The following DPP10 variants were observed in gnomAD, a reference collection of about 807,000 sequenced individuals.
DPP10 encodes the protein dipeptidyl peptidase like 10.
A neutral mutation model predicts 120.9 loss-of-function variants in DPP10; 33 were observed. The ratio of observed to expected loss-of-function variants is 0.27; its 90% CI spans 0.21 to 0.37. DPP10 has a LOEUF of 0.37. Ranked by LOEUF, DPP10 falls within the 10% of genes least tolerant of loss-of-function variation. DPP10 has a pLI of 1.00. For synonymous variants in DPP10, 337 were observed against 326.1 expected (o/e 1.03, Z -0.36); for missense variants, 816 against 942.8 (o/e 0.87, Z 1.76).
chr2:114,763,264 T>C (rs1680432847), intron 1 of DPP10, among the ~76,000 whole-genome samples: 1 of 152,058 alleles, frequency 6.6e-6, no homozygotes, highest in Non-Finnish European at 1.5e-5. Flanking sequence ...GAAAGGCCTT[T>C]TGTGTCACGC....
At chr2:114,457,531 G>A (rs1364000466) in intron 1 of DPP10, among the ~76,000 whole-genome samples, 1 of 152,056 alleles carries the variant, frequency 6.6e-6, no homozygotes, top group Admixed American at 6.6e-5. Context: ...GTCTATTTTT[G>A]GGCCTTTCTG....
chr2:115,691,237 TA>T (rs2091298765), intron 7 of DPP10, among the ~76,000 whole-genome samples: 1 of 152,266 alleles, frequency 6.6e-6, no homozygotes, highest in African/African-American at 2.4e-5. Context: ...TCTACAAACA[TA>T]TTTTTTTATA....
chr2:115,527,561 T>C (rs998301930), intron 5 of DPP10, among the ~76,000 whole-genome samples: 4 of 152,064 alleles, frequency 2.6e-5, no homozygotes, highest in African/African-American at 9.7e-5. Flanking sequence ...AGGCTAAAAA[T>C]ACAAGTTACA....
intron 19 of DPP10, among the ~76,000 whole-genome samples, chr2:115,810,622 A>C (rs2150019136): frequency 6.6e-6 from 1 of 152,294 alleles, no homozygotes; most frequent in African/African-American, 2.4e-5. Context: ...TTCTAAGAAA[A>C]GTTTGCAGTC....
intron 1 of DPP10, among the ~76,000 whole-genome samples, chr2:115,165,029 G>C (rs1009504071): frequency 7.2e-5 from 11 of 152,084 alleles, no homozygotes; most frequent in Non-Finnish European, 1.5e-4. Flanking sequence ...AAAAACAAAT[G>C]CCTTGACATG....
At chr2:115,244,760 A>G (rs1441562911) in intron 1 of DPP10, among the ~76,000 whole-genome samples, 1 of 150,712 alleles carries the variant, frequency 6.6e-6, no homozygotes, top group Non-Finnish European at 1.5e-5. Flanking sequence ...TTCCAAGAGT[A>G]CCTCTGTGTT....
chr2:115,336,900 CTG>C (rs1280840853), intron 2 of DPP10, among the ~76,000 whole-genome samples: 4 of 151,884 alleles, frequency 2.6e-5, no homozygotes, highest in African/African-American at 9.7e-5. Context: ...CCAGGTTTCT[CTG>C]TTTGCTAGGT....
intron 3 of DPP10, among the ~76,000 whole-genome samples, chr2:115,364,003 GAT>G (rs2064939173): frequency 2.6e-4 from 2 of 7,670 alleles, no homozygotes; most frequent in African/African-American, 6.2e-4. Flanking sequence ...GGTGGAGGTA[GAT>G]GCTTCAGGTC....
intron 21 of DPP10, among the ~76,000 whole-genome samples, chr2:115,831,090 C>T (rs17045130): frequency 0.013 from 1,965 of 151,938 alleles, 44 homozygotes; most frequent in African/African-American, 0.043. Context: ...TTATGTTAAG[C>T]GAATTAATAG....
intron 1 of DPP10, among the ~76,000 whole-genome samples, chr2:114,954,660 G>A (rs1182188875): frequency 1.3e-5 from 2 of 151,946 alleles, no homozygotes; most frequent in Non-Finnish European, 2.9e-5. Flanking sequence ...AAAGAACAAT[G>A]AAACTAAGTG....
Position 114,585,628 on chromosome 2 carries a change from C to T in DPP10, c.60+142790C>T, listed in dbSNP as rs550752356. ...CAAACTCAACTGGGCAGCAAGCTGT[C>T]GAGCTGGCAGACACCCAGATCAAGG... is the stretch of plus-strand genomic sequence containing the variant. On this transcript the variant is annotated intron_variant, in intron 1 of 25. Coordinates refer to ENST00000410059, the MANE Select transcript of DPP10 (RefSeq NM_020868.6). 7.2e-5 allele frequency among the ~76,000 whole-genome samples: 11 copies of T among 152,276 alleles called. No individual in the cohort carries two copies. The South Asian group carries it at 1.5e-3, about 20-fold the overall frequency.
chr2:115,660,550 A>G lies in DPP10; in HGVS notation c.442-29137A>G, dbSNP rs573995030. Among the ~76,000 whole-genome samples, 22 of 149,852 alleles carry G rather than the reference A, an allele frequency of 1.5e-4. No individual in the cohort carries two copies. In the South Asian group the frequency reaches 4.4e-3, roughly 30 times the overall value. On this transcript the variant is annotated intron_variant, in intron 5 of 25. Transcript: ENST00000410059. ...TATAATACAAATTCCTTATAAAACA[A>G]CTCTTTAATCTACTTAAAATCCAAT... is the stretch of plus-strand genomic sequence containing the variant.
rs75956151 is a variant in DPP10, at chr2:115,508,192, A to G, written c.366+8588A>G. ...ATCTTGAAATAAAATTAACAAATTT[A>G]TAATAAATAGAACATAGACATGCAA... is the stretch of plus-strand genomic sequence containing the variant. On this transcript the variant is annotated intron_variant, in intron 4 of 25. Transcript: ENST00000410059. Among the ~76,000 whole-genome samples, 102 of 152,296 alleles carry G rather than the reference A, an allele frequency of 6.7e-4. 1 individual carries two copies. The highest frequency in any genetic ancestry group is 6.8e-3 in the Middle Eastern group (2 of 294).
intron 3 of DPP10, among the ~76,000 whole-genome samples, chr2:115,425,397 G>C (rs2070363340): frequency 6.6e-6 from 1 of 152,086 alleles, no homozygotes. Flanking sequence ...TGTGAGGGGA[G>C]GGAAGGATCT....
chr2:115,067,427 A>AT (rs1392898424), intron 1 of DPP10, among the ~76,000 whole-genome samples: 1 of 149,890 alleles, frequency 6.7e-6, no homozygotes, highest in African/African-American at 2.5e-5. Flanking sequence ...AATTTTTTGT[A>AT]TTTTTTGATA....
chr2:115,194,224 TTTG>T (rs1005948509), intron 1 of DPP10, among the ~76,000 whole-genome samples: 6 of 151,924 alleles, frequency 3.9e-5, no homozygotes, highest in African/African-American at 1.4e-4. Context: ...GGTTAAGGAG[TTTG>T]TTGTTTTTTT....
intron 1 of DPP10, among the ~76,000 whole-genome samples, chr2:115,241,159 C>T (rs2058258392): frequency 6.6e-6 from 1 of 152,308 alleles, no homozygotes; most frequent in African/African-American, 2.4e-5. Flanking sequence ...ATTCCAGCTA[C>T]TCAGGAGGCT....
intron 17 of DPP10, among the ~76,000 whole-genome samples, chr2:115,787,025 T>C (rs186691749): frequency 2.9e-4 from 44 of 152,304 alleles, no homozygotes; most frequent in African/African-American, 1.1e-3. Flanking sequence ...ATCCCAGAAG[T>C]GTCCTGCCTT....
chr2:114,459,056 A>G (rs935657355), intron 1 of DPP10, among the ~76,000 whole-genome samples: 2 of 152,238 alleles, frequency 1.3e-5, no homozygotes, highest in African/African-American at 4.8e-5. Flanking sequence ...GGAGAATAAT[A>G]TAGGCAAATT....
Sources: allele counts gnomAD v4.1 joint callset (sites outside exome capture counted in the v4.1 genomes callset), GRCh38; gene constraint gnomAD v4.1.1; transcripts MANE v1.5; gene names NCBI Gene and HGNC (gene_info 2026-07-23, HGNC 2026-07-21).